Variants in CARD8 observed in about 807,000 individuals in gnomAD.
CARD8 encodes caspase recruitment domain family member 8, also known as caspase recruitment domain-containing protein 8.
A neutral mutation model predicts 53.2 loss-of-function variants in CARD8; 38 were observed. The ratio of observed to expected loss-of-function variants is 0.71; its 90% confidence interval spans 0.55 to 0.94. The LOEUF (loss-of-function observed/expected upper bound fraction) is 0.94. Ranked by LOEUF, CARD8 falls within the 40% of genes least tolerant of loss-of-function variation. The pLI, the probability that CARD8 is intolerant of heterozygous loss-of-function variation, is 0.00. For synonymous variants in CARD8, 245 were observed against 244.9 expected, an observed-to-expected ratio of 1.00 and a Z score of 0.00; for missense variants, 561 against 655.5, an observed-to-expected ratio of 0.86 and a Z score of 1.57.
chr19:48,203,895 A>T (rs2037247300), downstream of CARD8: 1 of 287,904 alleles, frequency 3.5e-6, no homozygotes, highest in Non-Finnish European at 6.9e-6. Context: ...TAGCAGCCAG[A>T]AAGCTACAAC....
intron 1 of CARD8, 68 bp from the exon 2 acceptor site, chr19:48,249,915 A>C (rs1388300883): frequency 2.0e-5 from 3 of 152,202 alleles, no homozygotes; most frequent in African/African-American, 4.8e-5. Context: ...CGCTTGTTGA[A>C]AACAAAACAA....
downstream of CARD8, among the ~76,000 whole-genome samples, chr19:48,205,390 C>T (rs562659683): frequency 3.3e-5 from 5 of 151,876 alleles, no homozygotes; most frequent in South Asian, 4.2e-4. Context: ...CCACCACGCC[C>T]GGCTAATTTT....
intron 6 of CARD8, chr19:48,233,386 G>C: frequency 2.2e-6 from 1 of 456,238 alleles, no homozygotes; most frequent in South Asian, 1.5e-5. Context: ...CGTGGATTAG[G>C]TTTAAAAAGA....
At chr19:48,248,738 T>C (rs1342556027) in intron 3 of CARD8, among the ~76,000 whole-genome samples, 1 of 152,160 alleles carries the variant, frequency 6.6e-6, no homozygotes, top group Non-Finnish European at 1.5e-5. Context: ...AAAATGCATA[T>C]AAAAAGTCCA....
chr19:48,238,377 C>G lies in CARD8; in HGVS notation c.209+6G>C, dbSNP rs920577916. 6 of 1,535,468 alleles carry G rather than the reference C, an allele frequency of 3.9e-6. No individual in the cohort carries two copies. The highest frequency in any genetic ancestry group is 5.2e-6 in the Non-Finnish European group (6 of 1,146,726). ...AATTTTTTCCCAACAAATAGATGTC[C>G]CTTACGTATCATTTGTCACACAGGC... On this transcript the variant is annotated splice_donor_region_variant and intron_variant, in intron 5 of 13. Transcript: ENST00000651546.
At chr19:48,207,862 A>C (rs1243244186), downstream of CARD8, among the ~76,000 whole-genome samples, 1 of 149,364 alleles carries the variant, frequency 6.7e-6, no homozygotes, top group East Asian at 2.0e-4. Context: ...TAGCCTCCCG[A>C]GCAGCTGGGA....
At chr19:48,253,297 C>G (rs1234491042) in intron 1 of CARD8, among the ~76,000 whole-genome samples, 3 of 152,080 alleles carry the variant, frequency 2.0e-5, no homozygotes, top group Non-Finnish European at 2.9e-5. Context: ...TTTGGCCAGG[C>G]TGGTCTCGAA....
chr19:48,223,865 G>C lies in CARD8; in HGVS notation c.1036-2010C>G, dbSNP rs1189210575. The C allele has an allele frequency of 1.3e-5, 6 of 456,056 alleles. No homozygotes were observed. In the East Asian group the frequency reaches 4.2e-4, roughly 32 times the overall value. 28.3% of individuals were successfully genotyped at this position (456,056 alleles called of 1,614,324 possible). The stretch of plus-strand genomic sequence containing the variant: ...TGATGTATCCTCAGCCTCTAAAATA[G>C]TGTCTGGAATATATAAGGCACACAA... On this transcript the variant is annotated intron_variant, in intron 10 of 13. Coordinates refer to ENST00000651546, the MANE Select transcript of CARD8 (RefSeq NM_001184900.3).
At chr19:48,204,721 C>G (rs1329368575), downstream of CARD8, among the ~76,000 whole-genome samples, 2 of 151,816 alleles carry the variant, frequency 1.3e-5, no homozygotes, top group Non-Finnish European at 2.9e-5. Flanking sequence ...GACTGGGAGG[C>G]GATTGGGAAG....
At chr19:48,206,597 C>T (rs547857728), downstream of CARD8, 24 of 453,238 alleles carry the variant, frequency 5.3e-5, no homozygotes, top group African/African-American at 4.6e-4. Flanking sequence ...GTGTAACCAA[C>T]TGGAGGCCTC....
rs572272209 is a variant in CARD8, at chr19:48,241,198, T to C, written c.-43-135A>G. On this transcript the variant is annotated intron_variant, in intron 3 of 13. Transcript: ENST00000651546. ...AGAGATGCATCAGTGGAATTGCTCCTAGTAGTGGTAGGTACTTGGGACAGA... is the reference window on the plus strand; with the variant it reads ...AGAGATGCATCAGTGGAATTGCTCCCAGTAGTGGTAGGTACTTGGGACAGA... The C allele has an allele frequency of 1.6e-4, 95 of 599,256 alleles. No homozygotes were observed. The African/African-American group carries it at 1.7e-3, about 10-fold the overall frequency. 37.1% of individuals were successfully genotyped at this position (599,256 alleles called of 1,614,324 possible). A position where few individuals can be genotyped will look rare whatever the true frequency, so the allele number is the denominator to read the frequency against.
At chr19:48,236,489 C>T (rs2043905792) in intron 5 of CARD8, among the ~76,000 whole-genome samples, 1 of 152,200 alleles carries the variant, frequency 6.6e-6, no homozygotes, top group Admixed American at 6.5e-5. Context: ...CCTGGGATTA[C>T]ACCTGTGAGC....
Position 48,221,864 on chromosome 19 carries a change from G to T in CARD8, c.1036-9C>A. The T allele has an allele frequency of 3.2e-6, 5 of 1,581,630 alleles. No individual in the cohort carries two copies. The highest frequency in any genetic ancestry group is 4.3e-6 in the Non-Finnish European group (5 of 1,160,358). ...TCCTCATCATCTATCGCCTAAGGAA[G>T]AAGGGGCAGAAACATTAGAGAGCAC... On this transcript the variant is annotated splice_polypyrimidine_tract_variant and intron_variant, in intron 10 of 13. Coordinates refer to ENST00000651546, the MANE Select transcript of CARD8 (RefSeq NM_001184900.3).
At position 48,221,745 on chromosome 19, in the gene CARD8, C is replaced by A; in HGVS notation, c.1146G>T (p.Leu382=). Residue 382 remains leucine, a synonymous_variant, in exon 11 of 14, where the codon CTG becomes CTT. Transcript: ENST00000651546. ...SSYIVSNSAN[L]KVMPKELKLS... The stretch of plus-strand genomic sequence containing the variant: ...TTCTACTAACCTTGGGCATTACTTT[C>A]AGGTTAGCAGAATTAGACACAATAT... 6.3e-7 allele frequency: 1 copy of A among 1,594,642 alleles called. No homozygotes were observed. The highest frequency in any genetic ancestry group is 1.1e-5 in the South Asian group (1 of 88,394).
chr19:48,207,730 T>TTG (rs1448964298), downstream of CARD8, among the ~76,000 whole-genome samples: 51 of 92,086 alleles, frequency 5.5e-4, no homozygotes, highest in African/African-American at 1.3e-3. Flanking sequence ...ATTGTTGTTT[T>TTG]TCTGTTTTTT....
chr19:48,233,348 G>C (rs891273198), intron 6 of CARD8: 1 of 456,264 alleles, frequency 2.2e-6, no homozygotes, highest in Admixed American at 2.3e-5. Flanking sequence ...TTATTTCGAC[G>C]TGAAAGAGAC....
intron 4 of CARD8, among the ~76,000 whole-genome samples, chr19:48,239,136 A>G (rs867103671): frequency 8.5e-5 from 13 of 152,214 alleles, no homozygotes; most frequent in South Asian, 4.1e-4. Context: ...CACAACACTG[A>G]ATGGACTGAG....
chr19:48,223,287 G>A (rs1487535377), intron 10 of CARD8, among the ~76,000 whole-genome samples: 10 of 150,236 alleles, frequency 6.7e-5, no homozygotes, highest in Admixed American at 6.6e-4. Context: ...CTGAGCGACA[G>A]AGCAAGACTC....
chr19:48,219,232 G>A (rs1006751698), intron 11 of CARD8, among the ~76,000 whole-genome samples: 3 of 152,166 alleles, frequency 2.0e-5, no homozygotes, highest in African/African-American at 7.2e-5. Context: ...AACACCACAT[G>A]AGTCAGAGAA....
Sources: gnomAD v4.1 joint callset for allele counts (sites outside exome capture counted in the v4.1 genomes callset) on GRCh38, gnomAD v4.1.1 for gene constraint, MANE v1.5 for transcripts, NCBI Gene and HGNC (gene_info 2026-07-23, HGNC 2026-07-21) for gene names.